The following EXOC6B variants were observed in gnomAD, a reference collection of about 807,000 sequenced individuals.
The protein encoded by EXOC6B is SEC15 homolog B.
Under a neutral mutation model 113.5 loss-of-function variants are expected in EXOC6B, and 54 were observed. That is an observed-to-expected ratio of 0.48 (90% CI 0.38 to 0.60). EXOC6B has a LOEUF of 0.60. Among genes scored for constraint, EXOC6B ranks in the 20% least tolerant of loss-of-function variants. The probability of loss-of-function intolerance (pLI) is 0.00; values close to 1 mark genes in which losing one functional copy is unlikely to be tolerated. For synonymous variants in EXOC6B, 357 were observed against 339.0 expected, an observed-to-expected ratio of 1.05 and a Z score of -0.58; for missense variants, 797 against 977.5, an observed-to-expected ratio of 0.82 and a Z score of 2.46.
intron 8 of EXOC6B, among the ~76,000 whole-genome samples, chr2:72,547,178 C>T (rs1702956620): frequency 6.6e-6 from 1 of 152,160 alleles, no homozygotes; most frequent in Non-Finnish European, 1.5e-5. Flanking sequence ...ATAATGAATT[C>T]ACTGCACAAT....
At chr2:72,741,492 G>A (rs1681323286) in intron 1 of EXOC6B, 23 bp from the exon 2 acceptor site, 1 of 1,589,394 alleles carries the variant, frequency 6.3e-7, no homozygotes, top group African/African-American at 1.4e-5. Flanking sequence ...ATGGCACGAA[G>A]ATTATACCAT....
At chr2:72,401,900 A>G (rs1693358825) in intron 18 of EXOC6B, among the ~76,000 whole-genome samples, 1 of 151,258 alleles carries the variant, frequency 6.6e-6, no homozygotes. Flanking sequence ...TAATATTGAC[A>G]GTTGACTTTT....
chr2:72,772,002 T>C (rs771061640), intron 1 of EXOC6B, among the ~76,000 whole-genome samples: 1 of 151,812 alleles, frequency 6.6e-6, no homozygotes, highest in Non-Finnish European at 1.5e-5. Context: ...AACATCCAAG[T>C]ACAAAAATAT....
At chr2:72,528,520 T>C (rs1011288224) in intron 8 of EXOC6B, among the ~76,000 whole-genome samples, 2 of 152,126 alleles carry the variant, frequency 1.3e-5, no homozygotes, top group Non-Finnish European at 2.9e-5. Context: ...TTAGCTATTC[T>C]AGCTATTTTG....
chr2:72,419,764 T>C (rs150793585), intron 18 of EXOC6B, among the ~76,000 whole-genome samples: 1,572 of 152,312 alleles, frequency 0.01, 41 homozygotes, highest in African/African-American at 0.036. Flanking sequence ...TTTTAATGTG[T>C]CTTTAGTGTT....
chr2:72,419,129 T>G (rs1237713657), intron 18 of EXOC6B, among the ~76,000 whole-genome samples: 2 of 152,202 alleles, frequency 1.3e-5, no homozygotes, highest in Non-Finnish European at 2.9e-5. Context: ...CAGTTGCTAC[T>G]GTCAACAAAT....
At position 72,825,691 on chromosome 2, in the gene EXOC6B, G is replaced by A. The variant is rs1054320859; in HGVS notation, c.113+107C>T. Reference sequence around the variant, plus strand: ...CCGGTATGCAGGGTCTCTCCGAAGGGAGGGGCCGGCGCCGGACCTGGGGAC... The same window carrying A: ...CCGGTATGCAGGGTCTCTCCGAAGGAAGGGGCCGGCGCCGGACCTGGGGAC... On this transcript the variant is annotated intron_variant, in intron 1 of 21. Transcript: ENST00000272427. The surrounding 1 kb of genome is among the most constrained non-coding windows in gnomAD (Gnocchi z 4.4). The A allele has an allele frequency of 7.6e-7, 1 of 1,320,276 alleles. No individual in the cohort carries two copies. The highest frequency in any genetic ancestry group is 9.9e-7 in the Non-Finnish European group (1 of 1,008,216). 81.8% of individuals were successfully genotyped at this position (1,320,276 alleles called of 1,614,324 possible).
At chr2:72,575,790 A>C (rs1704811328) in intron 6 of EXOC6B, 122 bp from the exon 7 acceptor site, 1 of 864,464 alleles carries the variant, frequency 1.2e-6, no homozygotes, top group Non-Finnish European at 1.7e-6. Context: ...AATTTTGAAC[A>C]AATTGATATC....
intron 6 of EXOC6B, among the ~76,000 whole-genome samples, chr2:72,673,821 T>C (rs552532955): frequency 2.0e-5 from 3 of 151,516 alleles, no homozygotes; most frequent in East Asian, 3.9e-4. Flanking sequence ...TTTCTATCAC[T>C]GGAAAGAAAA....
intron 1 of EXOC6B, among the ~76,000 whole-genome samples, chr2:72,768,132 AAAAAAAG>A (rs1467619763): frequency 1.3e-5 from 2 of 151,084 alleles, no homozygotes; most frequent in Non-Finnish European, 3.0e-5. Flanking sequence ...AAAAAAAAAA[AAAAAAAG>A]AAAGAAAGAA....
At chr2:72,416,832 C>G (rs1359237390) in intron 18 of EXOC6B, among the ~76,000 whole-genome samples, 1 of 152,132 alleles carries the variant, frequency 6.6e-6, no homozygotes, top group Middle Eastern at 3.2e-3. Flanking sequence ...AGATTAGAGG[C>G]ACACAAGTCA....
intron 7 of EXOC6B, among the ~76,000 whole-genome samples, chr2:72,560,605 C>A (rs1165819388): frequency 6.6e-6 from 1 of 152,018 alleles, no homozygotes; most frequent in Admixed American, 6.6e-5. Flanking sequence ...TTCAACAGCA[C>A]AACACCTATG....
rs1672890275 is a variant in EXOC6B at position 72,637,059 on chromosome 2, C to T, written c.670-61391G>A. On this transcript the variant is annotated intron_variant, in intron 6 of 21. Coordinates refer to ENST00000272427, the MANE Select transcript of EXOC6B (RefSeq NM_015189.3). The stretch of plus-strand genomic sequence containing the variant: ...GGACACTGAAATTAAAAATACAATA[C>T]CACTTATAAAAATTGTTAAAACAAA... Among the ~76,000 whole-genome samples the T allele has an allele frequency of 2.0e-5, 3 of 151,914 alleles. No individual in the cohort carries two copies. The South Asian group carries it at 6.2e-4, about 32-fold the overall frequency.
intron 1 of EXOC6B, among the ~76,000 whole-genome samples, chr2:72,815,062 G>T (rs1283238726): frequency 6.6e-6 from 1 of 152,208 alleles, no homozygotes; most frequent in South Asian, 2.1e-4. Flanking sequence ...AAAGAGGCAG[G>T]TTTGAAACTT....
intron 16 of EXOC6B, among the ~76,000 whole-genome samples, chr2:72,490,655 C>A (rs1013773451): frequency 8.5e-5 from 13 of 152,052 alleles, no homozygotes; most frequent in African/African-American, 3.1e-4. Context: ...AGTATAGTTC[C>A]CTAAAAACAC....
At chr2:72,490,894 C>T (rs2105536700) in intron 16 of EXOC6B, among the ~76,000 whole-genome samples, 1 of 152,240 alleles carries the variant, frequency 6.6e-6, no homozygotes, top group East Asian at 1.9e-4. Flanking sequence ...TTCTATCAGA[C>T]CATGTTCTTG....
chr2:72,401,953 A>G (rs1693362677), intron 18 of EXOC6B, among the ~76,000 whole-genome samples: 1 of 151,740 alleles, frequency 6.6e-6, no homozygotes, highest in South Asian at 2.1e-4. Flanking sequence ...GATTGCTGAC[A>G]TAAGATTTTT....
At chr2:72,800,851 T>C (rs1432918465) in intron 1 of EXOC6B, among the ~76,000 whole-genome samples, 1 of 152,154 alleles carries the variant, frequency 6.6e-6, no homozygotes, top group African/African-American at 2.4e-5. Flanking sequence ...GGATCTAAAG[T>C]CAAGATGATG....
In EXOC6B at chr2:72,588,942, G is replaced by A. The variant is rs1051086874; in HGVS notation, c.670-13274C>T. ...CTTTTTCCTTTACATAGACATATACGCACTCACACCAACATGGGTTAATTG... is the reference window on the plus strand; with the variant it reads ...CTTTTTCCTTTACATAGACATATACACACTCACACCAACATGGGTTAATTG... On this transcript the variant is annotated intron_variant, in intron 6 of 21. Transcript: ENST00000272427. Among the ~76,000 whole-genome samples, 8 of 151,772 alleles carry A rather than the reference G, an allele frequency of 5.3e-5. No homozygotes were observed. In the East Asian group the frequency reaches 5.8e-4, roughly 11 times the overall value.
Sources: gnomAD v4.1 joint callset for allele counts (sites outside exome capture counted in the v4.1 genomes callset) on GRCh38, gnomAD v4.1.1 for gene constraint, Gnocchi (gnomAD v3.1) non-coding constraint, MANE v1.5 for transcripts, NCBI Gene and HGNC (gene_info 2026-07-23, HGNC 2026-07-21) for gene names.